The following GUCY1A2 variants were observed in gnomAD, a reference collection of about 807,000 sequenced individuals.
GUCY1A2 encodes the protein guanylate cyclase soluble subunit alpha-2.
A neutral mutation model predicts 63.5 loss-of-function variants in GUCY1A2; 27 were observed. The observed-to-expected ratio is 0.43, with a 90% confidence interval of 0.31 to 0.59. The LOEUF (loss-of-function observed/expected upper bound fraction) is 0.59. GUCY1A2 is among the 20% of genes least tolerant of loss of function. The pLI is 0.11. For missense variants in GUCY1A2, 768 were observed against 913.3 expected (o/e 0.84, Z 2.05); for synonymous variants, 364 against 343.5 (o/e 1.06, Z -0.66).
At chr11:106,805,581 A>G (rs1195129599) in intron 5 of GUCY1A2, among the ~76,000 whole-genome samples, 1 of 152,142 alleles carries the variant, frequency 6.6e-6, no homozygotes, top group Non-Finnish European at 1.5e-5. Flanking sequence ...GGGTAAGATG[A>G]TTTTTAAAAC....
Position 106,984,386 on chromosome 11 carries a change from C to T in GUCY1A2, c.365+1684G>A, listed in dbSNP as rs191906431. ...AAAGAAGCACCACAGACCATGTCTACATAGGTAGAAGGGGAGGGCTGAGGC... is the reference window on the plus strand; with the variant it reads ...AAAGAAGCACCACAGACCATGTCTATATAGGTAGAAGGGGAGGGCTGAGGC... On this transcript the variant is annotated intron_variant, in intron 2 of 7. Transcript: ENST00000526355. 3.7e-4 allele frequency among the ~76,000 whole-genome samples: 56 copies of T among 152,288 alleles called. No homozygotes were observed. In the East Asian group the frequency reaches 0.01, roughly 28 times the overall value.
intron 4 of GUCY1A2, among the ~76,000 whole-genome samples, chr11:106,832,745 A>C (rs1859068556): frequency 6.6e-6 from 1 of 152,150 alleles, no homozygotes; most frequent in Non-Finnish European, 1.5e-5. Context: ...CCTATATAAC[A>C]CAATTGTTAT....
At chr11:106,760,157 C>T (rs1282932586) in intron 6 of GUCY1A2, among the ~76,000 whole-genome samples, 1 of 152,104 alleles carries the variant, frequency 6.6e-6, no homozygotes, top group Admixed American at 6.6e-5. Context: ...AGTGAGACAA[C>T]AAATTTCTGT....
chr11:107,017,991 C>T lies in GUCY1A2; in HGVS notation c.65G>A (p.Ser22Asn), dbSNP rs1437121865. 2.1e-6 allele frequency: 3 copies of T among 1,461,354 alleles called. No individual in the cohort carries two copies. The African/African-American group carries it at 4.4e-5, about 21-fold the overall frequency. The allele number at this position is 1,461,354 out of a possible 1,614,324, so 90.5% of individuals were successfully genotyped here. ...GGGGCACTCCCCCTCCTCCTCCGGG[C>T]TGGTCTCCAGGTAGTCGGAGCCCAG... ...SSLGSDYLET[S>N]PEEEGECPLS... is the part of the protein sequence containing the mutation. The change falls in exon 1 of 8, where the codon AGC becomes AAC. Residue 22 changes from serine to asparagine, a missense_variant. Around this residue, in one of 3 missense-constraint regions of GUCY1A2, gnomAD observed 496 missense variants for 486.9 expected, o/e 1.02. Coordinates refer to ENST00000526355, the MANE Select transcript of GUCY1A2 (RefSeq NM_000855.3).
intron 4 of GUCY1A2, among the ~76,000 whole-genome samples, chr11:106,924,949 G>A (rs1052481192): frequency 3.9e-5 from 6 of 152,136 alleles, no homozygotes; most frequent in African/African-American, 1.4e-4. Context: ...CGAGGCTGCA[G>A]TGAGCCAAGA....
At chr11:106,791,507 G>T (rs546078181) in intron 5 of GUCY1A2, among the ~76,000 whole-genome samples, 9 of 150,542 alleles carry the variant, frequency 6.0e-5, no homozygotes, top group African/African-American at 2.2e-4. Context: ...ATGTGCACAC[G>T]TGCTTGTTGA....
At chr11:106,948,460 G>A (rs1450178992) in intron 3 of GUCY1A2, among the ~76,000 whole-genome samples, 1 of 152,062 alleles carries the variant, frequency 6.6e-6, no homozygotes, top group East Asian at 1.9e-4. Flanking sequence ...ATTCTGAAAA[G>A]TGTGAGATTC....
chr11:106,759,198 C>T (rs1864023324), intron 6 of GUCY1A2, among the ~76,000 whole-genome samples: 1 of 151,242 alleles, frequency 6.6e-6, no homozygotes, highest in Non-Finnish European at 1.5e-5. Flanking sequence ...TTGCAACAGT[C>T]ATAGCTAGGG....
rs575949744 is a variant in GUCY1A2, at chr11:106,776,403, C to A, written c.1836+36G>T. On this transcript the variant is annotated intron_variant, in intron 6 of 7. Coordinates refer to ENST00000526355, the MANE Select transcript of GUCY1A2 (RefSeq NM_000855.3). The stretch of plus-strand genomic sequence containing the variant: ...TATTTGCCTCCTCCAGTTAATGGTG[C>A]ACTTACTACTCAAACTAGATTGTTG... 5 of 1,259,010 alleles carry A rather than the reference C, an allele frequency of 4.0e-6. No homozygotes were observed. In the South Asian group the frequency reaches 4.3e-5, roughly 11 times the overall value. The allele number at this position is 1,259,010 out of a possible 1,614,324, so 78.0% of individuals were successfully genotyped here. A position where few individuals can be genotyped will look rare whatever the true frequency, so the allele number is the denominator to read the frequency against.
In GUCY1A2 at chr11:106,676,704, T is replaced by C. The variant is rs1428695334; in HGVS notation, c.*10845A>G. 1 of 192,692 alleles carries C rather than the reference T, an allele frequency of 5.2e-6. No individual in the cohort carries two copies. The highest frequency in any genetic ancestry group is 2.3e-5 in the African/African-American group (1 of 43,074). 11.9% of individuals were successfully genotyped at this position (192,692 alleles called of 1,614,324 possible). On this transcript the variant is annotated 3_prime_UTR_variant, in exon 8 of 8. Coordinates refer to ENST00000526355, the MANE Select transcript of GUCY1A2 (RefSeq NM_000855.3). ...AGTTGCATTTGATGTATACATCTTA[T>C]TGGGAGTAGTTTTCAGAAAGCAATT...
intron 4 of GUCY1A2, chr11:106,826,984 T>C (rs1033925791): frequency 1.3e-4 from 205 of 1,610,768 alleles, no homozygotes; most frequent in Middle Eastern, 2.3e-4. Flanking sequence ...TATCTTTTCA[T>C]TGGTCAATTC....
intron 1 of GUCY1A2, among the ~76,000 whole-genome samples, chr11:107,009,675 T>C (rs763659809): frequency 1.3e-5 from 2 of 152,174 alleles, no homozygotes; most frequent in Non-Finnish European, 2.9e-5. Context: ...AGTAAGATTA[T>C]TTCGACCACA....
chr11:106,925,160 A>T (rs960018567), intron 4 of GUCY1A2, among the ~76,000 whole-genome samples: 1 of 151,646 alleles, frequency 6.6e-6, no homozygotes, highest in Non-Finnish European at 1.5e-5. Flanking sequence ...TTTTCAAAAG[A>T]GAGAGAGAGA....
intron 1 of GUCY1A2, among the ~76,000 whole-genome samples, chr11:107,012,644 T>C (rs1030154601): frequency 2.6e-5 from 4 of 152,198 alleles, no homozygotes; most frequent in Non-Finnish European, 5.9e-5. Flanking sequence ...AACTCTGTCA[T>C]GTTGTTTCTA....
intron 1 of GUCY1A2, among the ~76,000 whole-genome samples, chr11:106,990,784 T>C (rs889565316): frequency 2.0e-5 from 3 of 152,230 alleles, no homozygotes; most frequent in South Asian, 2.1e-4. Context: ...TTGCACTAGA[T>C]GCCTTTGAGG....
intron 4 of GUCY1A2, among the ~76,000 whole-genome samples, chr11:106,819,439 T>G (rs1386304695): frequency 6.6e-6 from 1 of 152,168 alleles, no homozygotes; most frequent in East Asian, 1.9e-4. Context: ...GCTGTCTTAC[T>G]TTAAGAAATT....
chr11:106,709,909 TTATA>T (rs1346165175), intron 6 of GUCY1A2, among the ~76,000 whole-genome samples: 1 of 268 alleles, frequency 3.7e-3, no homozygotes, highest in African/African-American at 7.7e-3. Context: ...TATAGAATAG[TTATA>T]TATAACATAT....
chr11:106,911,821 A>G (rs1346052649), intron 4 of GUCY1A2, among the ~76,000 whole-genome samples: 3 of 152,094 alleles, frequency 2.0e-5, no homozygotes, highest in African/African-American at 4.8e-5. Flanking sequence ...TTGAGAATTT[A>G]GAAGTTTCTA....
intron 3 of GUCY1A2, among the ~76,000 whole-genome samples, chr11:106,954,463 CAGG>C (rs1455915488): frequency 2.6e-5 from 4 of 152,152 alleles, no homozygotes; most frequent in Non-Finnish European, 4.4e-5. Flanking sequence ...CCATGTGGCA[CAGG>C]AGAAGGACGT....
Sources: allele counts gnomAD v4.1 joint callset (sites outside exome capture counted in the v4.1 genomes callset), GRCh38; gene constraint gnomAD v4.1.1; regional missense constraint gnomAD v4.1.1; transcripts MANE v1.5; gene names NCBI Gene and HGNC (gene_info 2026-07-23, HGNC 2026-07-21).